Variants in KIF16B observed in about 807,000 individuals in gnomAD.
KIF16B encodes kinesin-like protein KIF16B.
KIF16B carries 98 observed loss-of-function variants against 156.3 expected under a neutral mutation model. The ratio of observed to expected loss-of-function variants is 0.63; its 90% confidence interval spans 0.53 to 0.74. The LOEUF (loss-of-function observed/expected upper bound fraction) is 0.74. KIF16B is among the 30% of genes least tolerant of loss of function. KIF16B has a pLI of 0.00. For synonymous variants in KIF16B, 564 were observed against 583.7 expected, an observed-to-expected ratio of 0.97 and a Z score of 0.49; for missense variants, 1,421 against 1,606.5, an observed-to-expected ratio of 0.88 and a Z score of 1.97.
intron 1 of KIF16B, among the ~76,000 whole-genome samples, chr20:16,542,797 C>G (rs1341133329): frequency 1.3e-5 from 2 of 152,096 alleles, no homozygotes; most frequent in African/African-American, 4.8e-5. Context: ...GCTAAGACTT[C>G]GAAACTTAAA....
At chr20:16,449,986 G>A (rs1414027134) in intron 12 of KIF16B, among the ~76,000 whole-genome samples, 1 of 152,072 alleles carries the variant, frequency 6.6e-6, no homozygotes, top group Non-Finnish European at 1.5e-5. Context: ...AAAAAGAAAA[G>A]ACAGATCATA....
intron 25 of KIF16B, among the ~76,000 whole-genome samples, chr20:16,289,008 G>GA (rs2063273857): frequency 6.6e-6 from 1 of 151,760 alleles, no homozygotes; most frequent in South Asian, 2.1e-4. Flanking sequence ...ACGGCCAGTT[G>GA]AAAATACTCT....
chr20:16,286,172 T>A (rs543414808), intron 25 of KIF16B, among the ~76,000 whole-genome samples: 1 of 152,308 alleles, frequency 6.6e-6, no homozygotes, highest in Admixed American at 6.5e-5. Flanking sequence ...ATTTGTTGAA[T>A]GAAATAATGA....
chr20:16,488,531 T>C (rs984417844), intron 12 of KIF16B, among the ~76,000 whole-genome samples: 1 of 152,158 alleles, frequency 6.6e-6, no homozygotes, highest in Non-Finnish European at 1.5e-5. Context: ...AAACTGGGGA[T>C]TCCTCCTCTT....
intron 4 of KIF16B, among the ~76,000 whole-genome samples, chr20:16,514,541 AG>A (rs1187748057): frequency 6.8e-6 from 1 of 146,038 alleles, no homozygotes; most frequent in Admixed American, 6.9e-5. Context: ...AAAATGCCAC[AG>A]GTTTGGCAGG....
chr20:16,332,510 C>T (rs1052450548), intron 24 of KIF16B, among the ~76,000 whole-genome samples: 4 of 152,162 alleles, frequency 2.6e-5, no homozygotes, highest in South Asian at 2.1e-4. Flanking sequence ...CATGAACACA[C>T]GTGTTTGTGG....
At chr20:16,422,014 C>T (rs929449512) in intron 15 of KIF16B, among the ~76,000 whole-genome samples, 1 of 152,042 alleles carries the variant, frequency 6.6e-6, no homozygotes, top group African/African-American at 2.4e-5. Flanking sequence ...AAATTTGGTT[C>T]CTAACCTGAA....
intron 4 of KIF16B, 150 bp from the exon 5 acceptor site, chr20:16,513,073 G>T: frequency 1.7e-6 from 1 of 604,276 alleles, no homozygotes; most frequent in Non-Finnish European, 3.0e-6. Flanking sequence ...CCCCTCCAGG[G>T]CTGCTTTCTA....
chr20:16,446,368 A>C (rs2066931107), intron 12 of KIF16B, among the ~76,000 whole-genome samples: 1 of 152,220 alleles, frequency 6.6e-6, no homozygotes, highest in South Asian at 2.1e-4. Context: ...TACTTTAATT[A>C]ATCTAATGAA....
At chr20:16,346,823 C>T (rs1365325365) in intron 23 of KIF16B, among the ~76,000 whole-genome samples, 1 of 152,114 alleles carries the variant, frequency 6.6e-6, no homozygotes, top group African/African-American at 2.4e-5. Context: ...GTGAGGTATA[C>T]GGGGACTTAT....
intron 2 of KIF16B, 119 bp from the exon 3 acceptor site, chr20:16,526,324 A>T (rs2069544787): frequency 6.6e-6 from 3 of 454,394 alleles, no homozygotes; most frequent in Non-Finnish European, 1.2e-5. Context: ...CTCTAAAAAA[A>T]TAAATAAATA....
At position 16,373,301 on chromosome 20, in the gene KIF16B, G is replaced by A. The variant is rs140977916; in HGVS notation, c.3350+956C>T. Among the ~76,000 whole-genome samples the A allele has an allele frequency of 8.0e-3, 1,220 of 152,306 alleles. 5 individuals are homozygous for A. The highest frequency in any genetic ancestry group is 0.012 in the Non-Finnish European group (830 of 68,036). ...CTTAAATTTGAAAGTAACCCTGTGA[G>A]ATATGAGGCTCATGCCATTCTGAGT... On this transcript the variant is annotated intron_variant, in intron 20 of 25. Transcript: ENST00000354981.
At chr20:16,326,875 CAT>C (rs1359725189) in intron 24 of KIF16B, among the ~76,000 whole-genome samples, 6 of 151,722 alleles carry the variant, frequency 4.0e-5, no homozygotes, top group Admixed American at 2.6e-4. Flanking sequence ...CTTGCACACA[CAT>C]GTTTATAGCA....
chr20:16,430,405 C>G lies in KIF16B; in HGVS notation c.1303-423G>C, dbSNP rs1057237333. Among the ~76,000 whole-genome samples, 3 of 152,072 alleles carry G rather than the reference C, an allele frequency of 2.0e-5. No individual in the cohort carries two copies. The South Asian group carries it at 6.2e-4, about 32-fold the overall frequency. ...AGAAGCCTTCCTGTGCATTACTTAC[C>G]TTGCACCAGAGGAACCTGGTCCTCT... On this transcript the variant is annotated intron_variant, in intron 12 of 25. Transcript: ENST00000354981.
intron 25 of KIF16B, among the ~76,000 whole-genome samples, chr20:16,292,825 T>C (rs997833393): frequency 6.6e-6 from 1 of 152,212 alleles, no homozygotes; most frequent in Non-Finnish European, 1.5e-5. Flanking sequence ...AAATTGACTA[T>C]TTCAGGAAGC....
At chr20:16,333,147 T>C (rs1407260447) in intron 24 of KIF16B, among the ~76,000 whole-genome samples, 1 of 152,142 alleles carries the variant, frequency 6.6e-6, no homozygotes, top group Non-Finnish European at 1.5e-5. Context: ...GGCCTTTTTG[T>C]TCTTGGAACA....
At chr20:16,514,522 T>C (rs998817266) in intron 4 of KIF16B, among the ~76,000 whole-genome samples, 2 of 142,810 alleles carry the variant, frequency 1.4e-5, no homozygotes, top group Non-Finnish European at 3.0e-5. Context: ...CTAGTGTCTC[T>C]ACATCTCAAA....
chr20:16,356,662 G>A (rs901031144), intron 22 of KIF16B, among the ~76,000 whole-genome samples: 5 of 152,164 alleles, frequency 3.3e-5, no homozygotes, highest in Non-Finnish European at 4.4e-5. Flanking sequence ...TAGGTATACC[G>A]TTCCAAGGAG....
At chr20:16,316,452 T>C (rs1277087196) in intron 24 of KIF16B, among the ~76,000 whole-genome samples, 4 of 152,094 alleles carry the variant, frequency 2.6e-5, no homozygotes, top group East Asian at 1.9e-4. Context: ...ATAGCTAACA[T>C]AGAAGATATT....
Sources: allele counts gnomAD v4.1 joint callset (sites outside exome capture counted in the v4.1 genomes callset), GRCh38; gene constraint gnomAD v4.1.1; transcripts MANE v1.5; gene names NCBI Gene and HGNC (gene_info 2026-07-23, HGNC 2026-07-21).